The following ARHGAP26 variants were observed in gnomAD, a reference collection of about 807,000 sequenced individuals.
The protein encoded by ARHGAP26 is Rho GTPase activating protein 26, also known as rho GTPase-activating protein 26.
Under a neutral mutation model 104.8 loss-of-function variants are expected in ARHGAP26, and 38 were observed. That is an observed-to-expected ratio of 0.36 (90% CI 0.28 to 0.48). The LOEUF is 0.48. Among genes scored for constraint, ARHGAP26 ranks in the 20% least tolerant of loss-of-function variants. The pLI, the probability that ARHGAP26 is intolerant of heterozygous loss-of-function variation, is 0.99. For missense variants in ARHGAP26, 704 were observed against 947.9 expected, an observed-to-expected ratio of 0.74 and a Z score of 3.38; for synonymous variants, 341 against 340.0, an observed-to-expected ratio of 1.00 and a Z score of -0.03.
At chr5:143,103,074 A>C in intron 17 of ARHGAP26, 1 of 174,426 alleles carries the variant, frequency 5.7e-6, no homozygotes, top group Non-Finnish European at 1.1e-5. Flanking sequence ...TATAAACACA[A>C]GGATACCTTA....
At chr5:142,829,420 T>C (rs567831551) in intron 1 of ARHGAP26, among the ~76,000 whole-genome samples, 1 of 152,360 alleles carries the variant, frequency 6.6e-6, no homozygotes, top group African/African-American at 2.4e-5. Context: ...TAGATCATGA[T>C]AAGAGTGAGA....
At chr5:142,903,031 C>G (rs1318439773) in intron 7 of ARHGAP26, among the ~76,000 whole-genome samples, 2 of 152,144 alleles carry the variant, frequency 1.3e-5, no homozygotes, top group Admixed American at 1.3e-4. Context: ...GCAAGGGGGC[C>G]AGGCTTTCAA....
chr5:142,791,847 C>G (rs1324719036), intron 1 of ARHGAP26, among the ~76,000 whole-genome samples: 1 of 150,868 alleles, frequency 6.6e-6, no homozygotes, highest in Non-Finnish European at 1.5e-5. Flanking sequence ...GCCTGTAGTT[C>G]CAGCTATCTG....
chr5:142,915,388 T>G (rs1399268315), intron 10 of ARHGAP26, among the ~76,000 whole-genome samples: 3 of 151,356 alleles, frequency 2.0e-5, no homozygotes, highest in Admixed American at 6.6e-5. Flanking sequence ...AGATGGAGTC[T>G]TGCTCTGTCA....
chr5:142,868,890 C>T (rs1312686758), intron 1 of ARHGAP26: 2 of 152,482 alleles, frequency 1.3e-5, no homozygotes, highest in African/African-American at 2.4e-5. Flanking sequence ...ACCTGTAAGC[C>T]AGCTTGTGTT....
intron 20 of ARHGAP26, among the ~76,000 whole-genome samples, chr5:143,178,481 C>T (rs950423004): frequency 6.6e-5 from 10 of 152,212 alleles, no homozygotes; most frequent in African/African-American, 2.4e-4. Flanking sequence ...ATGGGATTTG[C>T]TTCCCCTACC....
intron 20 of ARHGAP26, among the ~76,000 whole-genome samples, chr5:143,197,950 G>A (rs889700021): frequency 2.0e-5 from 3 of 152,178 alleles, no homozygotes. Flanking sequence ...ATAAAAAAGT[G>A]AATGTCTAGT....
chr5:143,079,177 A>T (rs1290818882), intron 17 of ARHGAP26, among the ~76,000 whole-genome samples: 2 of 152,224 alleles, frequency 1.3e-5, no homozygotes, highest in Non-Finnish European at 2.9e-5. Flanking sequence ...GTGCAAAGTC[A>T]GTTTGGAAAT....
At chr5:142,964,820 C>T (rs753065293) in intron 11 of ARHGAP26, among the ~76,000 whole-genome samples, 11 of 151,972 alleles carry the variant, frequency 7.2e-5, no homozygotes, top group African/African-American at 9.7e-5. Context: ...TGTGCGGCGA[C>T]GAGAGAGTGT....
At chr5:142,843,046 C>T (rs945283513) in intron 1 of ARHGAP26, among the ~76,000 whole-genome samples, 1 of 152,196 alleles carries the variant, frequency 6.6e-6, no homozygotes, top group Non-Finnish European at 1.5e-5. Flanking sequence ...GCATATCTGG[C>T]TCAGAGGTGG....
In ARHGAP26 at chr5:142,968,763, T is replaced by C. The variant is rs150611710; in HGVS notation, c.1107+36638T>C. On this transcript the variant is annotated intron_variant, in intron 11 of 22. Coordinates refer to ENST00000645722, the MANE Select transcript of ARHGAP26 (RefSeq NM_001135608.3). ...TCATTGTCACTGAGGTCTGGCCATG[T>C]TAATGAGTTTAGGTGTATATCACTG... Among the ~76,000 whole-genome samples the C allele has an allele frequency of 2.5e-3, 376 of 152,366 alleles. 3 individuals are homozygous for C. The highest frequency in any genetic ancestry group is 7.6e-3 in the African/African-American group (318 of 41,588).
intron 19 of ARHGAP26, among the ~76,000 whole-genome samples, chr5:143,137,672 T>C (rs1599180231): frequency 6.6e-6 from 1 of 152,238 alleles, no homozygotes; most frequent in Non-Finnish European, 1.5e-5. Flanking sequence ...TTTCTCTTCA[T>C]TGATGCACTT....
chr5:143,181,262 TGGG>T (rs1804311180), intron 20 of ARHGAP26, among the ~76,000 whole-genome samples: 1 of 152,250 alleles, frequency 6.6e-6, no homozygotes, highest in African/African-American at 2.4e-5. Context: ...TTTTATTAAC[TGGG>T]AGGCCTGGGT....
chr5:143,058,116 G>C, intron 17 of ARHGAP26: 2 of 457,180 alleles, frequency 4.4e-6, no homozygotes, highest in East Asian at 8.3e-5. Context: ...AATATGTTGT[G>C]GGTTTACAGA....
At position 142,990,693 on chromosome 5, in the gene ARHGAP26, C is replaced by T. The variant is rs779962192; in HGVS notation, c.1108-23387C>T. ...TTTTCCTTCTAACAGTTAGGACTCT[C>T]AGCTGCAGGTCTGTTGGGGTTCGCT... On this transcript the variant is annotated intron_variant, in intron 11 of 22. Transcript: ENST00000645722. Among the ~76,000 whole-genome samples the T allele has an allele frequency of 5.1e-4, 78 of 152,346 alleles. 2 individuals are homozygous for T. In the Middle Eastern group the frequency reaches 0.041, roughly 80 times the overall value.
At chr5:142,976,084 T>G (rs763675956) in intron 11 of ARHGAP26, among the ~76,000 whole-genome samples, 4 of 152,188 alleles carry the variant, frequency 2.6e-5, no homozygotes, top group Non-Finnish European at 4.4e-5. Flanking sequence ...TCACTCTATC[T>G]GGATTTTGCC....
intron 20 of ARHGAP26, among the ~76,000 whole-genome samples, chr5:143,149,403 G>A (rs1799546471): frequency 6.6e-6 from 1 of 152,094 alleles, no homozygotes; most frequent in Admixed American, 6.5e-5. Context: ...GTCTGCCATG[G>A]CCCTGAGTGA....
intron 1 of ARHGAP26, among the ~76,000 whole-genome samples, chr5:142,843,634 C>T (rs772863394): frequency 6.6e-6 from 1 of 152,032 alleles, no homozygotes; most frequent in Non-Finnish European, 1.5e-5. Flanking sequence ...TTCCTTATGG[C>T]GTGTTTTTTT....
At chr5:142,815,744 G>A (rs530184313) in intron 1 of ARHGAP26, among the ~76,000 whole-genome samples, 1 of 152,212 alleles carries the variant, frequency 6.6e-6, no homozygotes, top group African/African-American at 2.4e-5. Flanking sequence ...ACTCATTCGA[G>A]CCTCACTTTC....
Sources: allele counts gnomAD v4.1 joint callset (sites outside exome capture counted in the v4.1 genomes callset), GRCh38; gene constraint gnomAD v4.1.1; transcripts MANE v1.5; gene names NCBI Gene and HGNC (gene_info 2026-07-23, HGNC 2026-07-21).